AMY2B: variants seen among roughly 807,000 people sequenced by gnomAD.
AMY2B encodes the protein amylase alpha 2B.
AMY2B carries 63 observed loss-of-function variants against 59.3 expected under a neutral mutation model. That is an observed-to-expected ratio of 1.06 (90% CI 0.87 to 1.31). The LOEUF (loss-of-function observed/expected upper bound fraction) is 1.31, where lower values mean the gene tolerates loss of function less well. Among genes scored for constraint, AMY2B ranks in the 50% most tolerant of loss-of-function variants. The pLI is 0.00. For synonymous variants in AMY2B, 180 were observed against 198.1 expected, an observed-to-expected ratio of 0.91 and a Z score of 0.77; for missense variants, 635 against 626.7, an observed-to-expected ratio of 1.01 and a Z score of -0.14.
intron 1 of AMY2B, chr1:103,564,953 A>G (rs1253105792): frequency 6.6e-6 from 1 of 152,106 alleles, no homozygotes; most frequent in Admixed American, 6.6e-5. Flanking sequence ...CCAAAGTTTA[A>G]ATCACAGAGT....
At chr1:103,572,790 G>A (rs1254950992) in intron 2 of AMY2B, among the ~76,000 whole-genome samples, 11 of 152,016 alleles carry the variant, frequency 7.2e-5, no homozygotes, top group Non-Finnish European at 1.3e-4. Flanking sequence ...TTGTCTCCCC[G>A]AAATGGGCTT....
intron 1 of AMY2B, among the ~76,000 whole-genome samples, chr1:103,562,766 A>G (rs945578390): frequency 2.0e-5 from 3 of 151,614 alleles, no homozygotes; most frequent in Non-Finnish European, 4.4e-5. Flanking sequence ...GATAGGGGGA[A>G]AGAACTTGTA....
chr1:103,572,250 T>C lies in AMY2B; in HGVS notation c.309T>C (p.Asn103=). The C allele has an allele frequency of 6.2e-7, 1 of 1,610,296 alleles. No homozygotes were observed. Among genetic ancestry groups the C allele is most frequent in the East Asian group, 2.2e-5 (1 of 44,756 alleles). Residue 103 remains asparagine, a synonymous_variant, in exon 2 of 10, where the codon AAT becomes AAC. Coordinates refer to ENST00000684275, the MANE Select transcript of AMY2B (RefSeq NM_001387437.1). The part of the protein sequence containing the change: ...EFRNMVTRCN[N]VGVRIYVDAV... ...GAAACATGGTGACTAGATGTAACAA[T>C]GTTGGGGTAAGTGAATTCTAGTTTC...
intron 3 of AMY2B, 131 bp from the exon 4 acceptor site, chr1:103,573,577 C>G: frequency 7.2e-7 from 1 of 1,381,784 alleles, no homozygotes; most frequent in East Asian, 2.3e-5. Context: ...TGTGAGCATC[C>G]CCAGCGCCCA....
Position 103,579,447 on chromosome 1 carries a change from A to G in AMY2B, c.1483A>G (p.Ser495Gly). 6.2e-7 allele frequency: 1 copy of G among 1,611,754 alleles called. No individual in the cohort carries two copies. ...SDDGKAHFSISNSAEDPFIAI... is the reference protein window; with the variant it reads ...SDDGKAHFSIGNSAEDPFIAI... ...CGATGGCAAAGCTCATTTTTCTATT[A>G]GTAACTCTGCTGAGGATCCATTTAT... is the stretch of plus-strand genomic sequence containing the variant. Residue 495 changes from serine (S) to glycine (G), a missense_variant, in exon 10 of 10, where the codon AGT becomes GGT. By Grantham distance (56) the Ser-to-Gly change is moderately conservative. Transcript: ENST00000684275.
intron 1 of AMY2B, among the ~76,000 whole-genome samples, chr1:103,561,302 T>C (rs1570636595): frequency 6.6e-6 from 1 of 152,100 alleles, no homozygotes; most frequent in Non-Finnish European, 1.5e-5. Flanking sequence ...AGTCTCATTC[T>C]TGTTGCCCAG....
intron 1 of AMY2B, among the ~76,000 whole-genome samples, chr1:103,556,184 A>C (rs1198157493): frequency 1.4e-5 from 2 of 146,420 alleles, no homozygotes; most frequent in Admixed American, 6.6e-5. Context: ...ACATACTCTT[A>C]GGCAATCTGT....
At chr1:103,575,746 A>G (rs565190151) in intron 7 of AMY2B, 62 of 754,860 alleles carry the variant, frequency 8.2e-5, no homozygotes, top group Non-Finnish European at 1.2e-4. Context: ...GCCTTTTCAG[A>G]CATATGATAA....
chr1:103,577,595 T>C lies in AMY2B; in HGVS notation c.1207T>C (p.Trp403Arg). The C allele has an allele frequency of 1.2e-6, 2 of 1,611,934 alleles. No homozygotes were observed. The highest frequency in any genetic ancestry group is 1.7e-6 in the Non-Finnish European group (2 of 1,179,796). The change falls in exon 8 of 10, where the codon TGG becomes CGG. Residue 403 changes from tryptophan (W) to arginine (R), a missense_variant. Physicochemically the swap from Trp to Arg is moderately radical, Grantham distance 101. Coordinates refer to ENST00000684275, the MANE Select transcript of AMY2B (RefSeq NM_001387437.1). ...CAATGACTGGGTCTGTGAACATCGA[T>C]GGCGCCAAATAAGGTGAGAATATGT... ...CGNDWVCEHR[W>R]RQIRNMVNFR...
intron 9 of AMY2B, among the ~76,000 whole-genome samples, chr1:103,578,926 G>A (rs866256189): frequency 5.3e-5 from 8 of 152,000 alleles, no homozygotes; most frequent in African/African-American, 7.2e-5. Context: ...TGGGTGCAGC[G>A]CACCAGCATG....
intron 1 of AMY2B, among the ~76,000 whole-genome samples, chr1:103,560,971 CATT>C (rs1651713568): frequency 6.6e-6 from 1 of 152,028 alleles, no homozygotes. Context: ...TAATAAATCC[CATT>C]ATTTAATTTT....
chr1:103,561,007 A>T (rs2101061742), intron 1 of AMY2B, among the ~76,000 whole-genome samples: 1 of 152,300 alleles, frequency 6.6e-6, no homozygotes, highest in Middle Eastern at 3.4e-3. Context: ...TCTCATTTTA[A>T]AAATGAGGAT....
upstream of AMY2B, chr1:103,569,813 C>T (rs1366437943): frequency 1.3e-5 from 6 of 454,324 alleles, no homozygotes; most frequent in African/African-American, 2.0e-5. Context: ...GATCTGGCAT[C>T]ACACCTTCTA....
chr1:103,562,329 A>C (rs1399033412), intron 1 of AMY2B, among the ~76,000 whole-genome samples: 1 of 152,160 alleles, frequency 6.6e-6, no homozygotes, highest in Non-Finnish European at 1.5e-5. Context: ...GGCAAACTTG[A>C]TTATCTGTGC....
At chr1:103,572,049 C>A in intron 1 of AMY2B, 61 bp from the exon 2 acceptor site, 2 of 1,606,506 alleles carry the variant, frequency 1.2e-6, no homozygotes, top group Non-Finnish European at 1.7e-6. Flanking sequence ...TGATTAGTTT[C>A]TAGAACATTC....
chr1:103,574,199 A>T, intron 4 of AMY2B, 61 bp from the exon 5 acceptor site: 1 of 1,608,260 alleles, frequency 6.2e-7, no homozygotes, highest in Admixed American at 1.7e-5. Context: ...ATATTAACTT[A>T]TTGGTTAAAA....
chr1:103,576,362 T>A (rs905881150), intron 7 of AMY2B, among the ~76,000 whole-genome samples: 2 of 152,162 alleles, frequency 1.3e-5, no homozygotes, highest in African/African-American at 4.8e-5. Context: ...AGCTTTAATA[T>A]TTAGGTGTAC....
intron 1 of AMY2B, chr1:103,561,628 ATTATT>A (rs1288759651): frequency 1.3e-5 from 2 of 151,920 alleles, no homozygotes; most frequent in East Asian, 1.9e-4. Context: ...TTTTATTAAG[ATTATT>A]TTATTCCCTA....
chr1:103,569,714 G>T (rs774631908), upstream of AMY2B: 6 of 400,336 alleles, frequency 1.5e-5, no homozygotes, highest in Non-Finnish European at 2.5e-5. Context: ...TCCTATGTGG[G>T]CTACATGGCT....
Sources: gnomAD v4.1 joint callset for allele counts (sites outside exome capture counted in the v4.1 genomes callset) on GRCh38, gnomAD v4.1.1 for gene constraint, MANE v1.5 for transcripts, NCBI Gene and HGNC (gene_info 2026-07-23, HGNC 2026-07-21) for gene names.